CTNNA3: variants seen among roughly 807,000 people sequenced by gnomAD.
CTNNA3 encodes catenin alpha-3.
A neutral mutation model predicts 95.7 loss-of-function variants in CTNNA3; 76 were observed. That is an observed-to-expected ratio of 0.79 (90% confidence interval 0.66 to 0.96). The LOEUF is 0.96. Among genes scored for constraint, CTNNA3 ranks in the 40% least tolerant of loss-of-function variants. The pLI is 0.00. For missense variants in CTNNA3, 1,191 were observed against 1,089.8 expected (o/e 1.09, Z -1.31); for synonymous variants, 431 against 374.4 (o/e 1.15, Z -1.74).
intron 5 of CTNNA3, among the ~76,000 whole-genome samples, chr10:67,384,248 C>A (rs1844059091): frequency 6.6e-6 from 1 of 152,098 alleles, no homozygotes; most frequent in South Asian, 2.1e-4. Flanking sequence ...AAATTTGGCT[C>A]CTTTCTTTCT....
intron 5 of CTNNA3, among the ~76,000 whole-genome samples, chr10:67,493,126 T>A (rs1487646620): frequency 6.6e-6 from 1 of 152,170 alleles, no homozygotes; most frequent in Non-Finnish European, 1.5e-5. Context: ...AGTTTTGTTT[T>A]GTTTTTTTAA....
At chr10:67,240,860 G>T (rs1865692839) in intron 5 of CTNNA3, among the ~76,000 whole-genome samples, 1 of 152,264 alleles carries the variant, frequency 6.6e-6, no homozygotes, top group East Asian at 1.9e-4. Flanking sequence ...GTGTGTGTGT[G>T]TAAAGTTCAA....
At chr10:67,391,939 A>C (rs1226067021) in intron 5 of CTNNA3, among the ~76,000 whole-genome samples, 5 of 150,884 alleles carry the variant, frequency 3.3e-5, no homozygotes, top group Admixed American at 2.0e-4. Context: ...TTAGACCTAA[A>C]ACCATAAAAA....
At chr10:66,165,506 T>C (rs1258957696) in intron 13 of CTNNA3, among the ~76,000 whole-genome samples, 2 of 151,900 alleles carry the variant, frequency 1.3e-5, no homozygotes, top group East Asian at 3.9e-4. Context: ...CAAAAGAAAA[T>C]AGTATGTGCT....
At position 66,014,351 on chromosome 10, in the gene CTNNA3, GC is replaced by G. The variant is rs1440107017; in HGVS notation, c.2160-25555del. Among the ~76,000 whole-genome samples, 4 of 145,768 alleles carry G rather than the reference GC, an allele frequency of 2.7e-5. No homozygotes were observed. The East Asian group carries it at 5.9e-4, about 22-fold the overall frequency. On this transcript the variant is annotated intron_variant, in intron 15 of 17. Transcript: ENST00000433211. ...TGAGTAGCTTCAATGGGTGCCATTT[GC>G]AGCTCAGTTACTGAGCTGGAATTTC... is the stretch of plus-strand genomic sequence containing the variant.
chr10:66,076,403 A>C (rs1426803556), intron 14 of CTNNA3, among the ~76,000 whole-genome samples: 2 of 151,722 alleles, frequency 1.3e-5, no homozygotes, highest in East Asian at 3.8e-4. Flanking sequence ...GTGATCTCAA[A>C]TATATTCCTG....
intron 3 of CTNNA3, among the ~76,000 whole-genome samples, chr10:67,591,076 T>C (rs1842775966): frequency 6.6e-6 from 1 of 152,084 alleles, no homozygotes; most frequent in Admixed American, 6.6e-5. Context: ...TTGTCTATAG[T>C]TATGAGAAGC....
chr10:66,490,256 AT>A (rs1007061794), intron 11 of CTNNA3, among the ~76,000 whole-genome samples: 2 of 152,042 alleles, frequency 1.3e-5, no homozygotes, highest in Non-Finnish European at 2.9e-5. Flanking sequence ...ATTATATAAT[AT>A]TTTTTCATAA....
intron 9 of CTNNA3, among the ~76,000 whole-genome samples, chr10:66,745,414 G>A (rs1377965646): frequency 1.3e-5 from 2 of 152,054 alleles, no homozygotes; most frequent in African/African-American, 4.8e-5. Context: ...TTGTCAAGGT[G>A]TGCAGAATAT....
chr10:66,729,590 A>G (rs1848887648), intron 9 of CTNNA3, among the ~76,000 whole-genome samples: 1 of 152,232 alleles, frequency 6.6e-6, no homozygotes, highest in South Asian at 2.1e-4. Flanking sequence ...GAGCTAAGCT[A>G]TGAGGATGCA....
intron 1 of CTNNA3, among the ~76,000 whole-genome samples, chr10:67,726,432 C>CATATATAATGTTATATATT (rs1841220777): frequency 1.9e-4 from 10 of 51,408 alleles, no homozygotes; most frequent in Non-Finnish European, 2.8e-4. Flanking sequence ...TATATTATAT[C>CATATATAATGTTATATATT]ATATATAATA....
At position 67,317,960 on chromosome 10, in the gene CTNNA3, C is replaced by T. The variant is rs76462213; in HGVS notation, c.580-98090G>A. The stretch of plus-strand genomic sequence containing the variant: ...GCTTAATAAACTTTTTCTTTGTTTG[C>T]ATATAATCATAATGGGGGCAAAAGA... On this transcript the variant is annotated intron_variant, in intron 5 of 17. Coordinates refer to ENST00000433211, the MANE Select transcript of CTNNA3 (RefSeq NM_013266.4). 4.7e-3 allele frequency among the ~76,000 whole-genome samples: 717 copies of T among 151,684 alleles called. 6 individuals are homozygous for T. The highest frequency in any genetic ancestry group is 0.016 in the African/African-American group (680 of 41,340).
At chr10:66,793,353 G>A (rs1841053784) in intron 7 of CTNNA3, among the ~76,000 whole-genome samples, 1 of 152,072 alleles carries the variant, frequency 6.6e-6, no homozygotes, top group Non-Finnish European at 1.5e-5. Context: ...TATGTTGCCA[G>A]GCTGATGCTG....
chr10:66,467,454 T>C (rs1246903719), intron 11 of CTNNA3, among the ~76,000 whole-genome samples: 1 of 151,976 alleles, frequency 6.6e-6, no homozygotes, highest in Non-Finnish European at 1.5e-5. Flanking sequence ...TCTTACCCAC[T>C]CCCAGGGAGT....
chr10:67,252,126 G>C (rs146148680), intron 5 of CTNNA3, among the ~76,000 whole-genome samples: 2 of 150,762 alleles, frequency 1.3e-5, no homozygotes, highest in Non-Finnish European at 2.9e-5. Flanking sequence ...TGGGAGAATC[G>C]TTTGAACCCA....
At chr10:66,165,796 T>A (rs1417536374) in intron 13 of CTNNA3, among the ~76,000 whole-genome samples, 2 of 151,932 alleles carry the variant, frequency 1.3e-5, no homozygotes, top group Non-Finnish European at 2.9e-5. Flanking sequence ...TGAGATGGAG[T>A]CTTGCTCTGT....
intron 10 of CTNNA3, among the ~76,000 whole-genome samples, chr10:66,594,653 AC>A (rs1258270620): frequency 1.3e-5 from 2 of 152,036 alleles, no homozygotes; most frequent in Admixed American, 6.5e-5. Context: ...TTCAAATGTC[AC>A]CATCTGTAGC....
chr10:67,274,008 C>T (rs528021704), intron 5 of CTNNA3, among the ~76,000 whole-genome samples: 16 of 152,186 alleles, frequency 1.1e-4, no homozygotes, highest in African/African-American at 3.1e-4. Flanking sequence ...AGAATATGTA[C>T]GCTTAAGATT....
At chr10:66,859,282 TATCGAGA>T (rs1843807619) in intron 7 of CTNNA3, among the ~76,000 whole-genome samples, 1 of 151,908 alleles carries the variant, frequency 6.6e-6, no homozygotes, top group Non-Finnish European at 1.5e-5. Context: ...AAAAGGCTAA[TATCGAGA>T]ATCTACAATG....
Sources: gnomAD v4.1 joint callset for allele counts (sites outside exome capture counted in the v4.1 genomes callset) on GRCh38, gnomAD v4.1.1 for gene constraint, MANE v1.5 for transcripts, NCBI Gene and HGNC (gene_info 2026-07-23, HGNC 2026-07-21) for gene names.